OS9: variants seen among roughly 807,000 people sequenced by gnomAD.
OS9 encodes protein OS-9.
Under a neutral mutation model 84.7 loss-of-function variants are expected in OS9, and 58 were observed. That is an observed-to-expected ratio of 0.68 (90% CI 0.55 to 0.85). The LOEUF (loss-of-function observed/expected upper bound fraction) is 0.85. Among genes scored for constraint, OS9 ranks in the 40% least tolerant of loss-of-function variants. The pLI is 0.00. For synonymous variants in OS9, 278 were observed against 320.8 expected (o/e 0.87, Z 1.43); for missense variants, 760 against 850.9 (o/e 0.89, Z 1.33).
intron 7 of OS9, 94 bp downstream of exon 7, chr12:57,716,287 G>GA (rs1256078313): frequency 2.7e-6 from 2 of 745,064 alleles, no homozygotes; most frequent in Admixed American, 2.3e-5. Context: ...GGTGGGGGGG[G>GA]GTGGAAAAGT....
chr12:57,716,007 AC>A (rs780965540), intron 6 of OS9, 37 bp downstream of exon 6: 69 of 1,603,632 alleles, frequency 4.3e-5, no homozygotes, highest in Non-Finnish European at 5.6e-5. Context: ...ACGGGGAGAT[AC>A]GGGGGCAGGG....
At chr12:57,717,717 C>T (rs1395563860) in intron 9 of OS9, among the ~76,000 whole-genome samples, 153 bp from the exon 10 acceptor site, 3 of 128,944 alleles carry the variant, frequency 2.3e-5, no homozygotes, top group South Asian at 2.7e-4. Flanking sequence ...CTCTTGAACC[C>T]GGGAGGCAGA....
chr12:57,695,204 C>A (rs1953789512), intron 2 of OS9: 1 of 477,708 alleles, frequency 2.1e-6, no homozygotes, highest in African/African-American at 1.9e-5. Flanking sequence ...TTCCTTAAGC[C>A]TACTTGCTAA....
chr12:57,696,958 G>C (rs921177476), intron 5 of OS9, among the ~76,000 whole-genome samples: 1 of 152,188 alleles, frequency 6.6e-6, no homozygotes, highest in Non-Finnish European at 1.5e-5. Flanking sequence ...CTTTACAAGT[G>C]CTTCTCATCT....
rs369926127 is a variant in OS9 at position 57,720,921 on chromosome 12, C to T, written c.*12C>T. ...AATTTGACTTCTGAGACCAACACTA[C>T]ACTTGACCCTTCACGGAATCCAGAC... On this transcript the variant is annotated 3_prime_UTR_variant, in exon 15 of 15. Transcript: ENST00000315970. 4.6e-5 allele frequency: 74 copies of T among 1,614,052 alleles called. 1 individual carries two copies. The African/African-American group carries it at 6.4e-4, about 14-fold the overall frequency.
chr12:57,703,762 A>AT (rs34277509), intron 5 of OS9, among the ~76,000 whole-genome samples: 18 of 150,532 alleles, frequency 1.2e-4, no homozygotes, highest in South Asian at 4.2e-4. Context: ...GAATTTTAAG[A>AT]TTTTTTTTTT....
At chr12:57,697,930 C>CAAGCAA (rs1953910176) in intron 5 of OS9, among the ~76,000 whole-genome samples, 2 of 92,810 alleles carry the variant, frequency 2.2e-5, no homozygotes, top group Admixed American at 1.3e-4. Flanking sequence ...CACATACACA[C>CAAGCAA]ACACACACAC....
At chr12:57,710,790 A>G (rs1954302498) in intron 5 of OS9, among the ~76,000 whole-genome samples, 1 of 152,172 alleles carries the variant, frequency 6.6e-6, no homozygotes, top group Non-Finnish European at 1.5e-5. Flanking sequence ...CTGTAATCCC[A>G]GCACTTTGGG....
At chr12:57,717,519 G>A (rs1184039565) in intron 9 of OS9, among the ~76,000 whole-genome samples, 6 of 152,288 alleles carry the variant, frequency 3.9e-5, no homozygotes, top group South Asian at 2.1e-4. Flanking sequence ...AGAGCCGGGC[G>A]TGGTGGCTCA....
At chr12:57,695,531 A>T in intron 2 of OS9, 1 of 682,362 alleles carries the variant, frequency 1.5e-6, no homozygotes, top group South Asian at 1.5e-5. Context: ...GATTTAAAAA[A>T]TCTTTTAAAA....
chr12:57,715,639 T>G (rs1233703372), intron 5 of OS9, 121 bp from the exon 6 acceptor site: 1 of 671,440 alleles, frequency 1.5e-6, no homozygotes, highest in East Asian at 2.9e-5. Flanking sequence ...TAAAGTGCCA[T>G]ATGCACAGTG....
At position 57,716,161 on chromosome 12, in the gene OS9, C is replaced by T; in HGVS notation, c.860C>T (p.Thr287Ile). Residue 287 changes from threonine (T) to isoleucine (I), a missense_variant, in exon 7 of 15, where the codon ACC (threonine) becomes ATC (isoleucine). Coordinates refer to ENST00000315970, the MANE Select transcript of OS9 (RefSeq NM_006812.4). ...CTAGGCCCCCAAGTGTGGAGTGAGA[C>T]CAAGTCTGGGGTGGCACCCCAAAAG... Reference protein sequence around the residue: ...QDLGPQVWSETKSGVAPQKMA... With the variant: ...QDLGPQVWSEIKSGVAPQKMA... 6.2e-7 allele frequency: 1 copy of T among 1,612,504 alleles called. No homozygotes were observed. The highest frequency in any genetic ancestry group is 8.5e-7 in the Non-Finnish European group (1 of 1,179,656).
chr12:57,716,742 A>T lies in OS9; in HGVS notation c.1043A>T (p.Asn348Ile). Residue 348 changes from asparagine to isoleucine, a missense_variant and splice_region_variant, in exon 9 of 15, where the codon AAT becomes ATT. Physicochemically the swap from Asn to Ile is moderately radical, Grantham distance 149. Coordinates refer to ENST00000315970, the MANE Select transcript of OS9 (RefSeq NM_006812.4). ...EAADSASGAPNDFQNNVQVKV... is the reference protein window; with the variant it reads ...EAADSASGAPIDFQNNVQVKV... ...GCAGATTCAGCTTCTGGTGCTCCCAATGGTGAGTGAACCTTCCATGTCTCC... is the reference window on the plus strand; with the variant it reads ...GCAGATTCAGCTTCTGGTGCTCCCATTGGTGAGTGAACCTTCCATGTCTCC... 6.2e-7 allele frequency: 1 copy of T among 1,613,318 alleles called. No individual in the cohort carries two copies.
intron 5 of OS9, among the ~76,000 whole-genome samples, chr12:57,712,307 T>C (rs1954355421): frequency 6.6e-6 from 1 of 152,220 alleles, no homozygotes; most frequent in South Asian, 2.1e-4. Context: ...GGATATGTTA[T>C]GTCTTCATTT....
chr12:57,716,749 G>A lies in OS9; in HGVS notation c.1045+5G>A, dbSNP rs1341343316. 1 of 1,612,742 alleles carries A rather than the reference G, an allele frequency of 6.2e-7. No individual in the cohort carries two copies. The highest frequency in any genetic ancestry group is 8.5e-7 in the Non-Finnish European group (1 of 1,178,710). ...CAGCTTCTGGTGCTCCCAATGGTGA[G>A]TGAACCTTCCATGTCTCCTTTACTG... is the stretch of plus-strand genomic sequence containing the variant. On this transcript the variant is annotated splice_donor_5th_base_variant and intron_variant, in intron 9 of 14. Coordinates refer to ENST00000315970, the MANE Select transcript of OS9 (RefSeq NM_006812.4).
In OS9 at chr12:57,694,767, G is replaced by A. The variant is rs1034856031; in HGVS notation, c.180G>A (p.Val60=). 5.0e-6 allele frequency: 8 copies of A among 1,613,726 alleles called. No homozygotes were observed. Among genetic ancestry groups the A allele is most frequent in the Non-Finnish European group, 5.1e-6 (6 of 1,179,990 alleles). The change falls in exon 2 of 15, where the codon GTG becomes GTA. Residue 60 remains valine, a synonymous_variant. Coordinates refer to ENST00000315970, the MANE Select transcript of OS9 (RefSeq NM_006812.4). Reference sequence around the variant, plus strand: ...TTTCCCAGAGCCAATCTTCGGACGTGGTGATTGTCTCCTCTAAGTACAAAC... The same window carrying A: ...TTTCCCAGAGCCAATCTTCGGACGTAGTGATTGTCTCCTCTAAGTACAAAC... ...VMGGQSQSSD[V]VIVSSKYKQR...
chr12:57,698,062 T>G (rs1053640907), intron 5 of OS9, among the ~76,000 whole-genome samples: 8 of 152,182 alleles, frequency 5.3e-5, no homozygotes, highest in Non-Finnish European at 1.0e-4. Context: ...AATTCTGTCT[T>G]CCCTCACTAA....
At chr12:57,695,284 T>C (rs576423487) in intron 2 of OS9, 56 of 387,760 alleles carry the variant, frequency 1.4e-4, no homozygotes, top group South Asian at 2.1e-4. Context: ...TTTCATGATC[T>C]GAAATCATAT....
chr12:57,698,258 A>G (rs1391045455), intron 5 of OS9, among the ~76,000 whole-genome samples: 2 of 152,108 alleles, frequency 1.3e-5, no homozygotes, highest in African/African-American at 4.8e-5. Flanking sequence ...GTGTTCCTTC[A>G]CCACTTAATA....
Sources: gnomAD v4.1 joint callset for allele counts (sites outside exome capture counted in the v4.1 genomes callset) on GRCh38, gnomAD v4.1.1 for gene constraint, MANE v1.5 for transcripts, NCBI Gene and HGNC (gene_info 2026-07-23, HGNC 2026-07-21) for gene names.